SLC49A3: variants seen among roughly 807,000 people sequenced by gnomAD.
The protein encoded by SLC49A3 is solute carrier family 49 member 3, also known as solute carrier family 49 member A3.
Under a neutral mutation model 43.8 loss-of-function variants are expected in SLC49A3, and 50 were observed. That is an observed-to-expected ratio of 1.14 (90% CI 0.91 to 1.45). The LOEUF is 1.45. Ranked by LOEUF, SLC49A3 falls within the 40% of genes most tolerant of loss-of-function variation. The pLI, the probability that SLC49A3 is intolerant of heterozygous loss-of-function variation, is 0.00. For missense variants in SLC49A3, 906 were observed against 774.1 expected (o/e 1.17, Z -2.02); for synonymous variants, 413 against 352.0 (o/e 1.17, Z -1.94).
Position 682,120 on chromosome 4 carries a change from G to A in SLC49A3, c.1518C>T (p.Ser506=). The A allele has an allele frequency of 7.4e-7, 1 of 1,354,254 alleles. No individual in the cohort carries two copies. Among genetic ancestry groups the A allele is most frequent in the Non-Finnish European group, 9.6e-7 (1 of 1,041,696 alleles). The allele number at this position is 1,354,254 out of a possible 1,614,324, so 83.9% of individuals were successfully genotyped here. Residue 506 remains serine, a synonymous_variant, in exon 10 of 10, where the codon AGC becomes AGT. Coordinates refer to ENST00000322224, the MANE Select transcript of SLC49A3 (RefSeq NM_032219.4). The part of the protein sequence containing the change: ...ASLEDPRGPG[S]PHPACHRATP... ...TCGCTCGGTGGCAGGCTGGGTGGGG[G>A]CTCCCGGGCCCTCTGGGGTCCTCTA...
chr4:680,088 G>T (rs192490854), downstream of SLC49A3: 1 of 1,349,474 alleles, frequency 7.4e-7, no homozygotes, highest in Non-Finnish European at 1.0e-6. Flanking sequence ...GACATTTCAC[G>T]TAAAAATCTC....
chr4:683,462 C>A (rs912688233), intron 7 of SLC49A3, 95 bp from the exon 8 acceptor site: 2 of 1,508,908 alleles, frequency 1.3e-6, no homozygotes, highest in Non-Finnish European at 1.8e-6. Flanking sequence ...GCAGGAGAAC[C>A]CATCCCACCC....
chr4:684,084 G>A (rs952840585), intron 6 of SLC49A3, among the ~76,000 whole-genome samples: 8 of 152,228 alleles, frequency 5.3e-5, no homozygotes, highest in African/African-American at 1.9e-4. Flanking sequence ...AAGGCAGAGG[G>A]CAGAGGGCCA....
At position 682,265 on chromosome 4, in the gene SLC49A3, G is replaced by A; in HGVS notation, c.1373C>T (p.Thr458Ile). ...GTCTGCGCCGCCCACGGCGTTACGG[G>A]TGGAGGGGGGCTCCCCAGACTCGGC... ...LQAESGEPPS[T>I]RNAVGGADSG... The change falls in exon 10 of 10, where the codon ACC becomes ATC. Residue 458 changes from threonine to isoleucine, a missense_variant. Coordinates refer to ENST00000322224, the MANE Select transcript of SLC49A3 (RefSeq NM_032219.4). 1.5e-6 allele frequency: 2 copies of A among 1,377,376 alleles called. No homozygotes were observed. The highest frequency in any genetic ancestry group is 1.9e-5 in the South Asian group (1 of 53,902). 85.3% of individuals were successfully genotyped at this position (1,377,376 alleles called of 1,614,324 possible).
chr4:685,046 C>A lies in SLC49A3; in HGVS notation c.586-190G>T, dbSNP rs1409903842. ...GGCCTGCTCCAGGGGCTCATGGGGACCCCTGGCTGTCAACGCATCCCTCAC... is the reference window on the plus strand; with the variant it reads ...GGCCTGCTCCAGGGGCTCATGGGGAACCCTGGCTGTCAACGCATCCCTCAC... On this transcript the variant is annotated intron_variant, in intron 4 of 9. Coordinates refer to ENST00000322224, the MANE Select transcript of SLC49A3 (RefSeq NM_032219.4). This position sits in a 1 kb window ranked among gnomAD's most constrained non-coding sequence, Gnocchi z 4.3. The A allele has an allele frequency of 5.8e-6, 4 of 693,584 alleles. No individual in the cohort carries two copies. The highest frequency in any genetic ancestry group is 9.2e-6 in the Non-Finnish European group (4 of 436,996). 43.0% of individuals were successfully genotyped at this position (693,584 alleles called of 1,614,324 possible).
chr4:689,302 G>A, upstream of SLC49A3: 1 of 365,472 alleles, frequency 2.7e-6, no homozygotes, highest in Non-Finnish European at 4.7e-6. Context: ...CCCAGTTAAA[G>A]GAGACCCAAA....
At position 681,897 on chromosome 4, in the gene SLC49A3, A is replaced by G. The variant is rs1273176796; in HGVS notation, c.*61T>C. The G allele has an allele frequency of 7.6e-7, 1 of 1,315,772 alleles. No individual in the cohort carries two copies. The highest frequency in any genetic ancestry group is 1.5e-5 in the African/African-American group (1 of 66,234). 81.5% of individuals were successfully genotyped at this position (1,315,772 alleles called of 1,614,324 possible). A position where few individuals can be genotyped will look rare whatever the true frequency, so the allele number is the denominator to read the frequency against. ...CCCTTTCGCCCCCGCCCGCAGGTGG[A>G]CCAGATGTTCCAGTTCGCCTCCATC... On this transcript the variant is annotated 3_prime_UTR_variant, in exon 10 of 10. Transcript: ENST00000322224.
chr4:689,866 C>G (rs1741728839), upstream of SLC49A3, among the ~76,000 whole-genome samples: 2 of 152,372 alleles, frequency 1.3e-5, no homozygotes, highest in African/African-American at 4.8e-5. Context: ...TTAGTCTTTT[C>G]TGCAAGAACC....
rs1420602429 is a variant in SLC49A3 at position 689,014 on chromosome 4, C to G, written c.114G>C (p.Leu38=). The G allele has an allele frequency of 2.5e-6, 4 of 1,596,190 alleles. No homozygotes were observed. Among genetic ancestry groups the G allele is most frequent in the Non-Finnish European group, 2.6e-6 (3 of 1,173,248 alleles). ...CTACCGTGGCGTTGGAGCAGTTGAG[C>G]AGGCTGATCGCGAGCAGGAACACCC... ...RRWVFLLAIS[L]LNCSNATLWL... is the part of the protein sequence containing the mutation. Residue 38 remains leucine, a synonymous_variant, in exon 1 of 10, where the codon CTG becomes CTC. Transcript: ENST00000322224.
In SLC49A3 at chr4:685,216, G is replaced by A; in HGVS notation, c.586-360C>T. On this transcript the variant is annotated intron_variant, in intron 4 of 9. Coordinates refer to ENST00000322224, the MANE Select transcript of SLC49A3 (RefSeq NM_032219.4). This position sits in a 1 kb window ranked among gnomAD's most constrained non-coding sequence, Gnocchi z 4.3. ...ACACGTGCATACAGACTCACGCTCA[G>A]TACATACCCCCAAGCACAAACACAC... The A allele has an allele frequency of 5.6e-6, 2 of 356,122 alleles. No individual in the cohort carries two copies. Among genetic ancestry groups the A allele is most frequent in the South Asian group, 6.4e-5 (2 of 31,430 alleles). The allele number at this position is 356,122 out of a possible 1,614,324, so 22.1% of individuals were successfully genotyped here.
chr4:683,954 A>G (rs1251220770), intron 6 of SLC49A3, among the ~76,000 whole-genome samples, 193 bp from the exon 7 acceptor site: 1 of 151,668 alleles, frequency 6.6e-6, no homozygotes, highest in Non-Finnish European at 1.5e-5. Flanking sequence ...CCCACCCCAG[A>G]GCAAAGCAAT....
Position 682,395 on chromosome 4 carries a change from G to A in SLC49A3, c.1262-19C>T. 1 of 1,327,806 alleles carries A rather than the reference G, an allele frequency of 7.5e-7. No homozygotes were observed. The highest frequency in any genetic ancestry group is 9.7e-7 in the Non-Finnish European group (1 of 1,030,768). 82.3% of individuals were successfully genotyped at this position (1,327,806 alleles called of 1,614,324 possible). A position where few individuals can be genotyped will look rare whatever the true frequency, so the allele number is the denominator to read the frequency against. On this transcript the variant is annotated intron_variant, in intron 9 of 9. Coordinates refer to ENST00000322224, the MANE Select transcript of SLC49A3 (RefSeq NM_032219.4). ...AGAGACACTGGGGACACATAGCACA[G>A]CTGTCCCCACAGCCAAGCCCAGGGG...
chr4:680,820 T>G (rs528950538), downstream of SLC49A3: 27 of 628,008 alleles, frequency 4.3e-5, no homozygotes, highest in African/African-American at 4.6e-4. Flanking sequence ...CTCAGCCCAC[T>G]CCTCCATCTT....
rs1302435480 is a variant in SLC49A3 at position 684,493 on chromosome 4, C to T, written c.830G>A (p.Gly277Asp). 3 of 1,612,912 alleles carry T rather than the reference C, an allele frequency of 1.9e-6. No homozygotes were observed. The highest frequency in any genetic ancestry group is 1.7e-5 in the Admixed American group (1 of 59,988). ...TGGGGCCAGGCTCACACTGGAGTGG[C>T]CGCTTGCACAGAGGATCTGCTCCAG... is the stretch of plus-strand genomic sequence containing the variant. ...ALLEQILCAS[G>D]HSSGFSGLCG... The change falls in exon 6 of 10, where the codon GGC becomes GAC. Residue 277 changes from glycine to aspartate, a missense_variant. Coordinates refer to ENST00000322224, the MANE Select transcript of SLC49A3 (RefSeq NM_032219.4).
intron 9 of SLC49A3, 108 bp from the exon 10 acceptor site, chr4:682,484 C>A: frequency 1.7e-6 from 2 of 1,172,564 alleles, no homozygotes; most frequent in Non-Finnish European, 2.2e-6. Flanking sequence ...CACAGAGTGA[C>A]CCCAGACGGA....
upstream of SLC49A3, among the ~76,000 whole-genome samples, chr4:690,303 G>A (rs2109476275): frequency 6.6e-6 from 1 of 152,090 alleles, no homozygotes; most frequent in South Asian, 2.1e-4. Context: ...CCCCAAGGGG[G>A]TTCCATTCTC....
chr4:680,778 G>A, downstream of SLC49A3: 5 of 664,664 alleles, frequency 7.5e-6, no homozygotes, highest in Non-Finnish European at 1.3e-5. Context: ...AGGGACCAGC[G>A]CCTGTGCCCG....
At position 688,623 on chromosome 4, in the gene SLC49A3, C is replaced by T. The variant is rs557377073; in HGVS notation, c.135+370G>A. 5.3e-5 allele frequency among the ~76,000 whole-genome samples: 8 copies of T among 152,272 alleles called. 1 individual carries two copies. In the South Asian group the frequency reaches 1.7e-3, roughly 32 times the overall value. ...AGGTGGAGGGGAGGGCGGCTCCAAG[C>T]GCGCCTCTGCTGTGTGCCTGCTGTC... On this transcript the variant is annotated intron_variant, in intron 1 of 9. Transcript: ENST00000322224.
At chr4:679,306 G>A (rs1012851595), downstream of SLC49A3, 1 of 381,936 alleles carries the variant, frequency 2.6e-6, no homozygotes, top group Admixed American at 4.6e-5. Context: ...GGGAGGGGCT[G>A]ACTCTCTGGT....
Sources: gnomAD v4.1 joint callset for allele counts (sites outside exome capture counted in the v4.1 genomes callset) on GRCh38, gnomAD v4.1.1 for gene constraint, Gnocchi (gnomAD v3.1) non-coding constraint, MANE v1.5 for transcripts, NCBI Gene and HGNC (gene_info 2026-07-23, HGNC 2026-07-21) for gene names.